TANGO2: variants seen among roughly 807,000 people sequenced by gnomAD.
The protein encoded by TANGO2 is transport and Golgi organization protein 2 homolog.
A neutral mutation model predicts 39.1 loss-of-function variants in TANGO2; 26 were observed. The ratio of observed to expected loss-of-function variants is 0.67; its 90% confidence interval spans 0.49 to 0.92. The LOEUF (loss-of-function observed/expected upper bound fraction) is 0.92. Among genes scored for constraint, TANGO2 ranks in the 40% least tolerant of loss-of-function variants. The probability of loss-of-function intolerance (pLI) is 0.00; values close to 1 mark genes in which losing one functional copy is unlikely to be tolerated. For synonymous variants in TANGO2, 131 were observed against 144.5 expected (o/e 0.91, Z 0.67); for missense variants, 326 against 360.1 (o/e 0.91, Z 0.77).
intron 6 of TANGO2, 45 bp downstream of exon 6, chr22:20,056,058 T>C: frequency 6.8e-7 from 1 of 1,476,248 alleles, no homozygotes; most frequent in South Asian, 1.1e-5. Flanking sequence ...ACTGTTTCTA[T>C]GCAGAGGTCA....
intron 1 of TANGO2, among the ~76,000 whole-genome samples, chr22:20,022,087 T>C (rs922215694): frequency 8.5e-5 from 13 of 152,234 alleles, no homozygotes; most frequent in Admixed American, 7.2e-4. Context: ...TATAAGGGGG[T>C]AGCTGAGTAG....
chr22:20,053,570 G>T lies in TANGO2; in HGVS notation c.380+19G>T, dbSNP rs780597046. The T allele has an allele frequency of 3.0e-5, 46 of 1,537,916 alleles. 1 individual carries two copies. In the Admixed American group the frequency reaches 7.5e-4, roughly 25 times the overall value. On this transcript the variant is annotated intron_variant, in intron 5 of 8. Transcript: ENST00000327374. ...ACCTGAGGTGGGTCTGCCAGAGGGG[G>T]ATGGCGGCTCTGCCCAGCACTGCCT...
At chr22:20,031,323 C>T (rs2041821671) in intron 1 of TANGO2, among the ~76,000 whole-genome samples, 1 of 152,198 alleles carries the variant, frequency 6.6e-6, no homozygotes, top group Admixed American at 6.5e-5. Flanking sequence ...CACACGACTG[C>T]ACCTGGGCGA....
intron 2 of TANGO2, among the ~76,000 whole-genome samples, chr22:20,038,471 C>T (rs1325416417): frequency 2.0e-5 from 3 of 152,128 alleles, no homozygotes; most frequent in East Asian, 1.9e-4. Context: ...GGCTGGCCTG[C>T]GGGTGCTGGT....
chr22:20,023,266 C>T (rs544040945), intron 1 of TANGO2, among the ~76,000 whole-genome samples: 1 of 151,774 alleles, frequency 6.6e-6, no homozygotes, highest in Non-Finnish European at 1.5e-5. Context: ...TGCCTTCATC[C>T]TCTTTGCGGG....
rs775269314 is a variant in TANGO2, at chr22:20,061,628, C to A, written c.550C>A (p.Leu184Met). The stretch of plus-strand genomic sequence containing the variant: ...GGAGGCTGTGGAACGGAGCCAGGCG[C>A]TGCCCAAGGATGTGCTCATCGCCAG... ...FLEAVERSQA[L>M]PKDVLIASLL... The change falls in exon 7 of 9, where the codon CTG becomes ATG. Residue 184 changes from leucine to methionine, a missense_variant. Leu to Met is a conservative substitution (Grantham distance 15). Transcript: ENST00000327374. The A allele has an allele frequency of 4.5e-6, 7 of 1,571,206 alleles. No individual in the cohort carries two copies. The highest frequency in any genetic ancestry group is 6.0e-6 in the Non-Finnish European group (7 of 1,157,716).
At chr22:20,061,851 C>T (rs2147806066) in intron 7 of TANGO2, 168 bp downstream of exon 7, 1 of 875,942 alleles carries the variant, frequency 1.1e-6, no homozygotes, top group Non-Finnish European at 1.7e-6. Context: ...CTTGAGCCAG[C>T]TGAGGTTTCC....
At chr22:20,040,894 G>T (rs949672955) in intron 2 of TANGO2, among the ~76,000 whole-genome samples, 31 of 152,342 alleles carry the variant, frequency 2.0e-4, no homozygotes, top group African/African-American at 7.0e-4. Context: ...ACCCCAGGCA[G>T]CACATCCCTG....
chr22:20,043,091 G>A (rs1281466464), intron 2 of TANGO2, among the ~76,000 whole-genome samples: 5 of 152,112 alleles, frequency 3.3e-5, no homozygotes, highest in Non-Finnish European at 7.4e-5. Context: ...TGGCAGACCC[G>A]TCTCCCGCCA....
Position 20,061,642 on chromosome 22 carries a change from G to T in TANGO2, c.564G>T (p.Val188=). ...GGAGCCAGGCGCTGCCCAAGGATGT[G>T]CTCATCGCCAGCCTCCTGGATGTGC... The part of the protein sequence containing the change: ...VERSQALPKD[V]LIASLLDVLN... The change falls in exon 7 of 9, where the codon GTG becomes GTT. Residue 188 remains valine, a synonymous_variant. Coordinates refer to ENST00000327374, the MANE Select transcript of TANGO2 (RefSeq NM_152906.7). The T allele has an allele frequency of 6.4e-7, 1 of 1,562,732 alleles. No individual in the cohort carries two copies. The highest frequency in any genetic ancestry group is 2.3e-5 in the East Asian group (1 of 42,664).
rs754722544 is a variant in TANGO2, at chr22:20,052,592, G to A, written c.265+8G>A. ...GGCAGGCCCGAGGGCGAGGTAAGGC[G>A]AGTGGGGTGGGGCCAAGGTGAGACA... On this transcript the variant is annotated splice_region_variant and intron_variant, in intron 4 of 8. Transcript: ENST00000327374. 5.1e-6 allele frequency: 8 copies of A among 1,555,824 alleles called. No homozygotes were observed. The highest frequency in any genetic ancestry group is 4.8e-5 in the East Asian group (2 of 41,638).
At position 20,052,579 on chromosome 22, in the gene TANGO2, G is replaced by C. The variant is rs751720670; in HGVS notation, c.260G>C (p.Gly87Ala). ...LQPQLDWQAR[G>A]RGELVTHFLT... ...CCGCAGCTGGACTGGCAGGCCCGAG[G>C]GCGAGGTAAGGCGAGTGGGGTGGGG... The change falls in exon 4 of 9, where the codon GGG becomes GCG. Residue 87 changes from glycine to alanine, a missense_variant. Physicochemically the swap from Gly to Ala is moderately conservative, Grantham distance 60 (BLOSUM62 0). Transcript: ENST00000327374. The C allele has an allele frequency of 1.3e-4, 210 of 1,562,300 alleles. 1 individual carries two copies. The highest frequency in any genetic ancestry group is 1.8e-4 in the Non-Finnish European group (203 of 1,153,522).
intron 1 of TANGO2, among the ~76,000 whole-genome samples, chr22:20,024,315 G>A (rs898662127): frequency 6.6e-5 from 10 of 152,352 alleles, no homozygotes; most frequent in African/African-American, 2.2e-4. Context: ...GCAGTGGACT[G>A]GAGACTCAGA....
At chr22:20,020,563 T>TAGTC (rs2039499680), upstream of TANGO2, among the ~76,000 whole-genome samples, 1 of 151,978 alleles carries the variant, frequency 6.6e-6, no homozygotes, top group African/African-American at 2.4e-5. Context: ...CTCAAATGCC[T>TAGTC]AGTCCAGGGT....
At chr22:20,026,629 A>G (rs5748504) in intron 1 of TANGO2, among the ~76,000 whole-genome samples, 58,884 of 152,222 alleles carry the variant, frequency 0.39, 11,822 homozygotes, top group African/African-American at 0.5. Context: ...TGGGACAGGC[A>G]CATGGTTGCC....
chr22:20,061,361 G>T lies in TANGO2; in HGVS notation c.452-169G>T, dbSNP rs2048349830. The T allele has an allele frequency of 1.1e-5, 8 of 734,756 alleles. No homozygotes were observed. In the South Asian group the frequency reaches 1.7e-4, roughly 16 times the overall value. 45.5% of individuals were successfully genotyped at this position (734,756 alleles called of 1,614,324 possible). On this transcript the variant is annotated intron_variant, in intron 6 of 8. Coordinates refer to ENST00000327374, the MANE Select transcript of TANGO2 (RefSeq NM_152906.7). ...TTCTCCTCTCCTTGCCATGCCATCA[G>T]GTCAGGAATGAGCATGGGGAAGGAG...
intron 1 of TANGO2, among the ~76,000 whole-genome samples, chr22:20,026,467 T>C (rs1253313275): frequency 6.6e-6 from 1 of 152,160 alleles, no homozygotes; most frequent in Non-Finnish European, 1.5e-5. Flanking sequence ...AGTTCTCATT[T>C]TGGGACAGGG....
rs1022716532 is a variant in TANGO2, at chr22:20,064,951, A to G, written c.*289A>G. The G allele has an allele frequency of 1.5e-5, 6 of 398,344 alleles. No individual in the cohort carries two copies. The highest frequency in any genetic ancestry group is 7.0e-4 in the Middle Eastern group (1 of 1,426). The allele number at this position is 398,344 out of a possible 1,614,324, so 24.7% of individuals were successfully genotyped here. On this transcript the variant is annotated 3_prime_UTR_variant, in exon 9 of 9. Transcript: ENST00000327374. The stretch of plus-strand genomic sequence containing the variant: ...TGAGCCCACTCTTGCACATGTACAC[A>G]GGCACTCACATGGCACACACATACA...
intron 3 of TANGO2, among the ~76,000 whole-genome samples, chr22:20,044,833 G>A (rs1381793603): frequency 6.6e-6 from 1 of 152,188 alleles, no homozygotes. Flanking sequence ...ACCCTCTTCT[G>A]GTTCCTTGAC....
Sources: gnomAD v4.1 joint callset for allele counts (sites outside exome capture counted in the v4.1 genomes callset) on GRCh38, gnomAD v4.1.1 for gene constraint, MANE v1.5 for transcripts, NCBI Gene and HGNC (gene_info 2026-07-23, HGNC 2026-07-21) for gene names.